Variants in SCAI observed in about 807,000 individuals in gnomAD.
SCAI encodes suppressor of cancer cell invasion.
A neutral mutation model predicts 92.2 loss-of-function variants in SCAI; 24 were observed. The ratio of observed to expected loss-of-function variants is 0.26; its 90% CI spans 0.19 to 0.37. The LOEUF (loss-of-function observed/expected upper bound fraction) is 0.37, where lower values mean the gene tolerates loss of function less well. Ranked by LOEUF, SCAI falls within the 10% of genes least tolerant of loss-of-function variation. The probability of loss-of-function intolerance (pLI) is 1.00; values close to 1 mark genes in which losing one functional copy is unlikely to be tolerated. For missense variants in SCAI, 450 were observed against 736.2 expected (o/e 0.61, Z 4.50); for synonymous variants, 261 against 258.6 (o/e 1.01, Z -0.09).
rs1832819956 is a variant in SCAI, at chr9:125,019,092, T to G, written c.708+15A>C. ...TATTTATCAATAATTATGATTTTTCTTATCAAAAACTGACCTCAATGAAAG... is the reference window on the plus strand; with the variant it reads ...TATTTATCAATAATTATGATTTTTCGTATCAAAAACTGACCTCAATGAAAG... On this transcript the variant is annotated intron_variant, in intron 8 of 17. Transcript: ENST00000336505. The G allele has an allele frequency of 3.2e-6, 5 of 1,577,330 alleles. No homozygotes were observed. The highest frequency in any genetic ancestry group is 4.3e-6 in the Non-Finnish European group (5 of 1,155,448).
intron 14 of SCAI, among the ~76,000 whole-genome samples, chr9:124,985,515 T>G (rs1019965356): frequency 3.9e-5 from 6 of 152,050 alleles, no homozygotes; most frequent in South Asian, 4.2e-4. Context: ...TAATCAAGCA[T>G]ACAGGGGCAC....
intron 2 of SCAI, among the ~76,000 whole-genome samples, chr9:125,103,066 G>A (rs947792561): frequency 1.3e-5 from 2 of 152,036 alleles, no homozygotes; most frequent in African/African-American, 4.8e-5. Context: ...CTCTCTCAAA[G>A]ATGAGGACCT....
At chr9:125,009,237 T>C (rs562907161) in intron 9 of SCAI, among the ~76,000 whole-genome samples, 2 of 152,292 alleles carry the variant, frequency 1.3e-5, no homozygotes, top group South Asian at 2.1e-4. Flanking sequence ...ATTAAAGTAA[T>C]GCTTAAAGAG....
chr9:124,971,967 T>C lies in SCAI; in HGVS notation c.1400-123A>G, dbSNP rs1831669318. 5.8e-6 allele frequency: 3 copies of C among 516,656 alleles called. No individual in the cohort carries two copies. The South Asian group carries it at 2.5e-4, about 43-fold the overall frequency. 32.0% of individuals were successfully genotyped at this position (516,656 alleles called of 1,614,324 possible). On this transcript the variant is annotated intron_variant, in intron 15 of 17. Coordinates refer to ENST00000336505, the MANE Select transcript of SCAI (RefSeq NM_001144877.3). ...TAAAGCTATCTCATTAAATCATAAT[T>C]CATCAAAGCAGATTCTTCACGAAAC...
At chr9:125,110,653 T>C (rs1834911794) in intron 2 of SCAI, among the ~76,000 whole-genome samples, 1 of 152,204 alleles carries the variant, frequency 6.6e-6, no homozygotes, top group Non-Finnish European at 1.5e-5. Flanking sequence ...ATGTAAGACC[T>C]GCCTGCTTCT....
At chr9:125,066,823 C>T (rs72765264) in intron 2 of SCAI, among the ~76,000 whole-genome samples, 13,975 of 152,114 alleles carry the variant, frequency 0.092, 858 homozygotes, top group Non-Finnish European at 0.13. Flanking sequence ...GTTTTTACTG[C>T]ACCATTTCTA....
At chr9:125,018,689 A>G (rs764736963) in intron 9 of SCAI, 110 bp downstream of exon 9, 61 of 928,002 alleles carry the variant, frequency 6.6e-5, no homozygotes, top group Non-Finnish European at 9.7e-5. Context: ...TTAATCAGCA[A>G]TTTCCTCACA....
rs543177112 is a variant in SCAI at position 125,041,981 on chromosome 9, CA to C, written c.231-12243del. Among the ~76,000 whole-genome samples, 12 of 151,604 alleles carry C rather than the reference CA, an allele frequency of 7.9e-5. No individual in the cohort carries two copies. The East Asian group carries it at 2.3e-3, about 29-fold the overall frequency. Reference sequence around the variant, plus strand: ...AACTAAGGTACTCTATGAAGAGTTTCAAAAAAAACTCCTCTACTACTCAGAG... The same window carrying C: ...AACTAAGGTACTCTATGAAGAGTTTCAAAAAAACTCCTCTACTACTCAGAG... On this transcript the variant is annotated intron_variant, in intron 3 of 17. Transcript: ENST00000336505.
intron 2 of SCAI, among the ~76,000 whole-genome samples, chr9:125,140,519 C>A (rs924242943): frequency 6.6e-6 from 1 of 151,978 alleles, no homozygotes; most frequent in Non-Finnish European, 1.5e-5. Context: ...CAAAGTAAGA[C>A]TTTGTCTCAG....
chr9:125,090,288 A>T (rs1726780719), intron 2 of SCAI, among the ~76,000 whole-genome samples: 1 of 152,166 alleles, frequency 6.6e-6, no homozygotes, highest in African/African-American at 2.4e-5. Flanking sequence ...AGATTTCAAG[A>T]AAGGAGGAGG....
Position 124,948,734 on chromosome 9 carries a change from T to C in SCAI, c.*4073A>G, listed in dbSNP as rs1455190462. On this transcript the variant is annotated 3_prime_UTR_variant, in exon 18 of 18. Coordinates refer to ENST00000336505, the MANE Select transcript of SCAI (RefSeq NM_001144877.3). ...TAACTGACTTCTTGCAGTCTTATGC[T>C]TTCTATGTTGTTTACAGTGATAGTT... 6.6e-6 allele frequency: 1 copy of C among 152,248 alleles called. No individual in the cohort carries two copies. Among genetic ancestry groups the C allele is most frequent in the Admixed American group, 6.5e-5 (1 of 15,286 alleles). 9.4% of individuals were successfully genotyped at this position (152,248 alleles called of 1,614,324 possible). A position where few individuals can be genotyped will look rare whatever the true frequency, so the allele number is the denominator to read the frequency against.
At chr9:125,089,745 C>CTACATT (rs1423753990) in intron 2 of SCAI, among the ~76,000 whole-genome samples, 2 of 152,006 alleles carry the variant, frequency 1.3e-5, no homozygotes, top group East Asian at 3.9e-4. Flanking sequence ...CACTCTGTCA[C>CTACATT]CCAGGCTGGA....
intron 6 of SCAI, among the ~76,000 whole-genome samples, chr9:125,026,023 C>T (rs1449713297): frequency 6.6e-6 from 1 of 152,188 alleles, no homozygotes; most frequent in African/African-American, 2.4e-5. Flanking sequence ...AAGAAAGATT[C>T]TCCAGAAGAT....
At chr9:124,956,985 C>T (rs866196664) in intron 17 of SCAI, among the ~76,000 whole-genome samples, 26 of 135,362 alleles carry the variant, frequency 1.9e-4, no homozygotes, top group South Asian at 7.2e-4. Context: ...ACAAGGTCAA[C>T]TGTATTTTTT....
chr9:125,139,408 AAACAAC>A (rs144272857), intron 2 of SCAI, among the ~76,000 whole-genome samples: 6 of 152,054 alleles, frequency 3.9e-5, no homozygotes, highest in African/African-American at 7.3e-5. Flanking sequence ...CGTCTTTAAA[AAACAAC>A]AACAACAACA....
At chr9:125,135,657 C>A (rs1228736253) in intron 2 of SCAI, among the ~76,000 whole-genome samples, 2 of 148,336 alleles carry the variant, frequency 1.3e-5, no homozygotes, top group Non-Finnish European at 3.0e-5. Context: ...CATCTCAAAA[C>A]TAAATAAAAA....
intron 2 of SCAI, among the ~76,000 whole-genome samples, chr9:125,100,988 G>A (rs950067209): frequency 6.6e-6 from 1 of 152,150 alleles, no homozygotes; most frequent in African/African-American, 2.4e-5. Context: ...TATTCAGGAG[G>A]CTGAAAAGGG....
chr9:124,999,383 T>A (rs1346711961), intron 13 of SCAI, among the ~76,000 whole-genome samples: 1 of 147,806 alleles, frequency 6.8e-6, no homozygotes, highest in Admixed American at 6.8e-5. Context: ...CAAGACTCCA[T>A]CTCAAAAAAA....
intron 2 of SCAI, among the ~76,000 whole-genome samples, chr9:125,101,705 G>A (rs1269012785): frequency 6.6e-6 from 1 of 152,180 alleles, no homozygotes; most frequent in Admixed American, 6.5e-5. Flanking sequence ...CAAGAACTGT[G>A]TCAGACACTA....
Sources: allele counts gnomAD v4.1 joint callset (sites outside exome capture counted in the v4.1 genomes callset), GRCh38; gene constraint gnomAD v4.1.1; transcripts MANE v1.5; gene names NCBI Gene and HGNC (gene_info 2026-07-23, HGNC 2026-07-21).